The following TFDP2 variants were observed in gnomAD, a reference collection of about 807,000 sequenced individuals.
TFDP2 encodes transcription factor Dp-2 (E2F dimerization partner 2).
Under a neutral mutation model 59.3 loss-of-function variants are expected in TFDP2, and 17 were observed. That is an observed-to-expected ratio of 0.29 (90% CI 0.20 to 0.43). TFDP2 has a LOEUF of 0.43. TFDP2 is among the 20% of genes least tolerant of loss of function. The pLI is 1.00. For synonymous variants in TFDP2, 180 were observed against 194.7 expected (o/e 0.92, Z 0.63); for missense variants, 391 against 528.8 (o/e 0.74, Z 2.56).
chr3:142,134,598 G>T (rs62284579), intron 1 of TFDP2, among the ~76,000 whole-genome samples: 50,571 of 151,864 alleles, frequency 0.33, 8,827 homozygotes, highest in Middle Eastern at 0.46. Context: ...TTTTTAAAAG[G>T]CAGAAAATGT....
intron 4 of TFDP2, among the ~76,000 whole-genome samples, chr3:141,995,489 A>G (rs1423697961): frequency 6.6e-6 from 1 of 152,222 alleles, no homozygotes; most frequent in African/African-American, 2.4e-5. Context: ...ATTTACTAGA[A>G]CCAGGGCAAC....
intron 7 of TFDP2, among the ~76,000 whole-genome samples, chr3:141,977,091 T>TAGATAG (rs1553763125): frequency 9.8e-6 from 1 of 102,258 alleles, no homozygotes; most frequent in South Asian, 3.0e-4. Context: ...GTCATAGCCA[T>TAGATAG]ATATATATAT....
At chr3:142,059,461 T>A (rs999674613) in intron 3 of TFDP2, among the ~76,000 whole-genome samples, 8 of 152,198 alleles carry the variant, frequency 5.3e-5, no homozygotes, top group African/African-American at 1.9e-4. Flanking sequence ...AATACCACAC[T>A]ATTACATTTT....
intron 4 of TFDP2, among the ~76,000 whole-genome samples, chr3:142,003,346 G>C (rs1179385008): frequency 6.6e-6 from 1 of 151,984 alleles, no homozygotes; most frequent in Non-Finnish European, 1.5e-5. Context: ...TGACCAGGAT[G>C]GTCTCAGTCT....
At chr3:142,039,790 G>C (rs1946870238) in intron 3 of TFDP2, among the ~76,000 whole-genome samples, 1 of 152,116 alleles carries the variant, frequency 6.6e-6, no homozygotes, top group Admixed American at 6.6e-5. Context: ...GATATGAATA[G>C]AGACTCCCCC....
At chr3:142,068,646 A>T (rs62283158) in intron 3 of TFDP2, among the ~76,000 whole-genome samples, 4,203 of 151,566 alleles carry the variant, frequency 0.028, 91 homozygotes, top group Non-Finnish European at 0.04. Flanking sequence ...AGCTCATTGC[A>T]ACCCTTGCCT....
At chr3:142,059,082 T>C (rs2059833761) in intron 3 of TFDP2, among the ~76,000 whole-genome samples, 1 of 152,220 alleles carries the variant, frequency 6.6e-6, no homozygotes, top group Non-Finnish European at 1.5e-5. Context: ...ACAAAATTTA[T>C]TTTTTATTAT....
rs539968236 is a variant in TFDP2, at chr3:141,957,243, G to C, written c.1051+2431C>G. On this transcript the variant is annotated intron_variant, in intron 11 of 12. Transcript: ENST00000489671. Reference sequence around the variant, plus strand: ...TGAGGCAGGAGAATCACTTGAACCTGGGAGGTGGAGGTTGCAGTGAGCCAA... The same window carrying C: ...TGAGGCAGGAGAATCACTTGAACCTCGGAGGTGGAGGTTGCAGTGAGCCAA... 6.6e-5 allele frequency among the ~76,000 whole-genome samples: 10 copies of C among 152,256 alleles called. No homozygotes were observed. The South Asian group carries it at 1.9e-3, about 28-fold the overall frequency.
chr3:141,995,499 C>T (rs541080777), intron 4 of TFDP2, among the ~76,000 whole-genome samples: 29 of 152,324 alleles, frequency 1.9e-4, no homozygotes, highest in Non-Finnish European at 3.8e-4. Context: ...ACCAGGGCAA[C>T]AGCAAATCAC....
intron 1 of TFDP2, among the ~76,000 whole-genome samples, chr3:142,134,748 A>T (rs1343821334): frequency 6.6e-6 from 1 of 152,096 alleles, no homozygotes; most frequent in Non-Finnish European, 1.5e-5. Context: ...TAACACATAG[A>T]TAGGTAGATA....
intron 10 of TFDP2, among the ~76,000 whole-genome samples, chr3:141,960,844 AGCC>A (rs1318604258): frequency 6.6e-6 from 1 of 152,218 alleles, no homozygotes; most frequent in Non-Finnish European, 1.5e-5. Flanking sequence ...CATTGTGGAA[AGCC>A]TCTTGGCTAA....
At chr3:142,088,613 CTTT>C (rs112767886) in intron 3 of TFDP2, among the ~76,000 whole-genome samples, 13 of 124,018 alleles carry the variant, frequency 1.0e-4, no homozygotes, top group Admixed American at 1.6e-4. Flanking sequence ...TTTTTTTTTT[CTTT>C]TTTTTTTTTT....
At chr3:142,142,375 A>G (rs940605105) in intron 1 of TFDP2, among the ~76,000 whole-genome samples, 2 of 152,244 alleles carry the variant, frequency 1.3e-5, no homozygotes, top group African/African-American at 2.4e-5. Context: ...ATAAAATTGA[A>G]TAACTAGGTA....
At chr3:142,043,543 A>G in intron 3 of TFDP2, 1 of 634,374 alleles carries the variant, frequency 1.6e-6, no homozygotes, top group Non-Finnish European at 2.8e-6. Flanking sequence ...TATTTTTACA[A>G]GCAGATAAAG....
chr3:142,003,337 G>C (rs1337805205), intron 4 of TFDP2, among the ~76,000 whole-genome samples: 3 of 151,388 alleles, frequency 2.0e-5, no homozygotes, highest in Non-Finnish European at 2.9e-5. Context: ...TCACCATGTT[G>C]ACCAGGATGG....
chr3:141,952,381 G>A lies in TFDP2; in HGVS notation c.*132C>T. ...TCAGCCTTCATGTGATTTGCTTATTGTGTTTCTCTAGTTTTCACTGAACAC... is the reference window on the plus strand; with the variant it reads ...TCAGCCTTCATGTGATTTGCTTATTATGTTTCTCTAGTTTTCACTGAACAC... On this transcript the variant is annotated 3_prime_UTR_variant, in exon 13 of 13. Coordinates refer to ENST00000489671, the MANE Select transcript of TFDP2 (RefSeq NM_001178139.2). 1 of 804,598 alleles carries A rather than the reference G, an allele frequency of 1.2e-6. No homozygotes were observed. The highest frequency in any genetic ancestry group is 1.9e-6 in the Non-Finnish European group (1 of 539,504). 49.8% of individuals were successfully genotyped at this position (804,598 alleles called of 1,614,324 possible). A position where few individuals can be genotyped will look rare whatever the true frequency, so the allele number is the denominator to read the frequency against.
At chr3:142,047,078 T>C (rs1182483242) in intron 3 of TFDP2, among the ~76,000 whole-genome samples, 4 of 152,252 alleles carry the variant, frequency 2.6e-5, no homozygotes, top group African/African-American at 7.2e-5. Flanking sequence ...AAATACAGTA[T>C]AGTAAAAAAG....
rs114538698 is a variant in TFDP2 at position 142,092,004 on chromosome 3, A to C, written c.82+1057T>G. 3.4e-3 allele frequency among the ~76,000 whole-genome samples: 517 copies of C among 152,300 alleles called. 2 individuals carry two copies. The highest frequency in any genetic ancestry group is 5.7e-3 in the Non-Finnish European group (390 of 68,012). On this transcript the variant is annotated intron_variant, in intron 3 of 12. Transcript: ENST00000489671. ...TGATGTTTCTCTCATAGCTATTTGT[A>C]TTGTAATAGATCTTTTTCCTACAGT... is the stretch of plus-strand genomic sequence containing the variant.
At chr3:142,029,043 C>G (rs534459723) in intron 3 of TFDP2, 4 of 152,724 alleles carry the variant, frequency 2.6e-5, no homozygotes, top group African/African-American at 9.6e-5. Flanking sequence ...TAAACTTACT[C>G]GTGAAACCTG....
Sources: allele counts gnomAD v4.1 joint callset (sites outside exome capture counted in the v4.1 genomes callset), GRCh38; gene constraint gnomAD v4.1.1; transcripts MANE v1.5; gene names NCBI Gene and HGNC (gene_info 2026-07-23, HGNC 2026-07-21).